Variants in NANOG observed in about 807,000 individuals in gnomAD.
The protein encoded by NANOG is Nanog homeobox, also known as homeobox protein NANOG.
Under a neutral mutation model 17.7 loss-of-function variants are expected in NANOG, and 2 were observed. The observed-to-expected ratio is 0.11, with a 90% CI of 0.05 to 0.36. The LOEUF (loss-of-function observed/expected upper bound fraction) is 0.36, where lower values mean the gene tolerates loss of function less well. NANOG is among the 10% of genes least tolerant of loss of function. The pLI, the probability that NANOG is intolerant of heterozygous loss-of-function variation, is 1.00. For missense variants in NANOG, 174 were observed against 362.1 expected (o/e 0.48, Z 4.22); for synonymous variants, 81 against 124.7 (o/e 0.65, Z 2.33).
chr12:7,790,339 C>T (rs1274744480), intron 1 of NANOG, among the ~76,000 whole-genome samples: 2 of 152,178 alleles, frequency 1.3e-5, no homozygotes, highest in Admixed American at 6.6e-5. Context: ...GGGAGCACCT[C>T]CCATGTCTAA....
At chr12:7,794,328 C>G (rs1405842988) in intron 2 of NANOG, 129 bp from the exon 3 acceptor site, 1 of 850,276 alleles carries the variant, frequency 1.2e-6, no homozygotes, top group Admixed American at 2.5e-5. Context: ...CCGCCTTGGC[C>G]TTCCAAAGTG....
chr12:7,793,431 T>C (rs919872509), intron 2 of NANOG, among the ~76,000 whole-genome samples: 1 of 152,244 alleles, frequency 6.6e-6, no homozygotes. Flanking sequence ...AACCACTTTC[T>C]TGCACAGACC....
intron 1 of NANOG, 78 bp downstream of exon 1, chr12:7,789,843 T>A (rs1862812739): frequency 1.4e-6 from 2 of 1,424,790 alleles, no homozygotes. Flanking sequence ...AGGGATCATT[T>A]CCCTCTTGAG....
Position 7,793,071 on chromosome 12 carries a change from C to A in NANOG, c.273C>A (p.Val91=). Residue 91 remains valine (V), a synonymous_variant, in exon 2 of 4, where the codon GTC becomes GTA. Coordinates refer to ENST00000229307, the MANE Select transcript of NANOG (RefSeq NM_024865.4). Reference sequence around the variant, plus strand: ...GTGTCGCAAAAAAGGAAGACAAGGTCCCGGTCAAGAAACAGAAGACCAGAA... The same window carrying A: ...GTGTCGCAAAAAAGGAAGACAAGGTACCGGTCAAGAAACAGAAGACCAGAA... ...EKSVAKKEDK[V]PVKKQKTRTV... The A allele has an allele frequency of 2.5e-6, 4 of 1,610,056 alleles. No individual in the cohort carries two copies. The South Asian group carries it at 3.3e-5, about 13-fold the overall frequency.
rs1862918533 is a variant in NANOG, at chr12:7,795,560, A to G, written c.*465A>G. ...ATGGTCTCGATCTCCTGACCTTGTG[A>G]TCCACCCGCCTCGGCCTCCCTAACA... is the stretch of plus-strand genomic sequence containing the variant. On this transcript the variant is annotated 3_prime_UTR_variant, in exon 4 of 4. Coordinates refer to ENST00000229307, the MANE Select transcript of NANOG (RefSeq NM_024865.4). 1 of 74,680 alleles carries G rather than the reference A, an allele frequency of 1.3e-5. No individual in the cohort carries two copies. Among genetic ancestry groups the G allele is most frequent in the Non-Finnish European group, 3.9e-5 (1 of 25,404 alleles). 4.6% of individuals were successfully genotyped at this position (74,680 alleles called of 1,614,324 possible).
intron 2 of NANOG, among the ~76,000 whole-genome samples, chr12:7,793,839 T>C (rs111430686): frequency 0.013 from 1,965 of 152,222 alleles, 19 homozygotes; most frequent in Non-Finnish European, 0.016. Context: ...CCTCCTGGGT[T>C]CAAGGGATTC....
chr12:7,795,624 G>GA lies in NANOG; in HGVS notation c.*533dup, dbSNP rs1217954436. The stretch of plus-strand genomic sequence containing the variant: ...GGCGTGAGCCACCGCGCCCTGCCTA[G>GA]AAAAGACATTTTAATAACCTTGGCT... On this transcript the variant is annotated 3_prime_UTR_variant, in exon 4 of 4. Transcript: ENST00000229307. 8.7e-6 allele frequency: 1 copy of GA among 114,836 alleles called. No homozygotes were observed. Among genetic ancestry groups the GA allele is most frequent in the East Asian group, 2.1e-4 (1 of 4,816 alleles). The allele number at this position is 114,836 out of a possible 1,614,324, so 7.1% of individuals were successfully genotyped here.
At chr12:7,792,585 A>G (rs1237838502) in intron 1 of NANOG, among the ~76,000 whole-genome samples, 1 of 152,036 alleles carries the variant, frequency 6.6e-6, no homozygotes, top group Non-Finnish European at 1.5e-5. Context: ...AATCGCTTGA[A>G]CCCAGGAGAT....
At chr12:7,794,399 G>C (rs1347671821) in intron 2 of NANOG, 58 bp from the exon 3 acceptor site, 27 of 1,449,452 alleles carry the variant, frequency 1.9e-5, no homozygotes, top group Non-Finnish European at 2.4e-5. Flanking sequence ...AATATACTTT[G>C]ATTCAAAGTA....
Position 7,795,278 on chromosome 12 carries a change from C to A in NANOG, c.*183C>A. 7.1e-6 allele frequency: 3 copies of A among 424,986 alleles called. No individual in the cohort carries two copies. Among genetic ancestry groups the A allele is most frequent in the Non-Finnish European group, 1.2e-5 (3 of 246,490 alleles). The allele number at this position is 424,986 out of a possible 1,614,324, so 26.3% of individuals were successfully genotyped here. A position where few individuals can be genotyped will look rare whatever the true frequency, so the allele number is the denominator to read the frequency against. On this transcript the variant is annotated 3_prime_UTR_variant, in exon 4 of 4. Coordinates refer to ENST00000229307, the MANE Select transcript of NANOG (RefSeq NM_024865.4). Reference sequence around the variant, plus strand: ...GGTTGGAGCCTAATCAGCGAGGTTTCTTTTTTTTTTTTTTTCCTATTGGAT... The same window carrying A: ...GGTTGGAGCCTAATCAGCGAGGTTTATTTTTTTTTTTTTTTCCTATTGGAT...
rs140243232 is a variant in NANOG, at chr12:7,789,729, C to A, written c.115C>A (p.Gln39Lys). ...CGPEENYPSL[Q>K]MSSAEMPHTE... ...GCCTGAAGAAAACTATCCATCCTTG[C>A]AAATGTCTTCTGCTGAGATGCCTCA... Residue 39 changes from glutamine to lysine, a missense_variant, in exon 1 of 4, where the codon CAA (glutamine) becomes AAA (lysine). Gln to Lys is a moderately conservative substitution (Grantham distance 53). Around this residue, in one of 2 missense-constraint regions of NANOG, gnomAD observed 158 missense variants for 244.2 expected, o/e 0.65. Transcript: ENST00000229307. 235 of 1,614,096 alleles carry A rather than the reference C, an allele frequency of 1.5e-4. No individual in the cohort carries two copies. The African/African-American group carries it at 2.6e-3, about 18-fold the overall frequency.
Position 7,798,379 on chromosome 12 carries a change from AAAAAT to A in NANOG, c.*3287_*3291del, listed in dbSNP as rs1862957414. The A allele has an allele frequency of 6.6e-6, 1 of 152,264 alleles. No homozygotes were observed. Among genetic ancestry groups the A allele is most frequent in the East Asian group, 1.9e-4 (1 of 5,172 alleles). The allele number at this position is 152,264 out of a possible 1,614,324, so 9.4% of individuals were successfully genotyped here. A position where few individuals can be genotyped will look rare whatever the true frequency, so the allele number is the denominator to read the frequency against. The stretch of plus-strand genomic sequence containing the variant: ...GAGCGTCACTGTCTCAAAAATAAAC[AAAAAT>A]AATAGGAGATTAGGCAAAAAGGATA... On this transcript the variant is annotated 3_prime_UTR_variant, in exon 4 of 4. Transcript: ENST00000229307.
At chr12:7,790,249 G>T (rs1242422207) in intron 1 of NANOG, among the ~76,000 whole-genome samples, 1 of 152,144 alleles carries the variant, frequency 6.6e-6, no homozygotes, top group Admixed American at 6.6e-5. Flanking sequence ...ACATAATTTG[G>T]GTAATTCTTT....
At chr12:7,791,806 A>G (rs1208018181) in intron 1 of NANOG, among the ~76,000 whole-genome samples, 4 of 152,218 alleles carry the variant, frequency 2.6e-5, no homozygotes. Flanking sequence ...GGTCAGAGCT[A>G]GTAAAGGGAA....
At position 7,792,758 on chromosome 12, in the gene NANOG, A is replaced by G. The variant is rs113795924; in HGVS notation, c.152-192A>G. On this transcript the variant is annotated intron_variant, in intron 1 of 3. Coordinates refer to ENST00000229307, the MANE Select transcript of NANOG (RefSeq NM_024865.4). ...AGTCTATTATGTACAAAATGGAGATACTGATAAGACTTCTTGGAGTAATAC... is the reference window on the plus strand; with the variant it reads ...AGTCTATTATGTACAAAATGGAGATGCTGATAAGACTTCTTGGAGTAATAC... 2.5e-3 allele frequency among the ~76,000 whole-genome samples: 388 copies of G among 152,322 alleles called. 2 individuals carry two copies. The highest frequency in any genetic ancestry group is 8.8e-3 in the African/African-American group (366 of 41,568).
In NANOG at chr12:7,789,439, G is replaced by T; in HGVS notation, c.-176G>T. On this transcript the variant is annotated 5_prime_UTR_variant, in exon 1 of 4. Transcript: ENST00000229307. ...ACTCCAGGATTTTAACGTTCTGCTG[G>T]ACTGAGCTGGTTGCCTCATGTTATT... 1 of 611,140 alleles carries T rather than the reference G, an allele frequency of 1.6e-6. No individual in the cohort carries two copies. Among genetic ancestry groups the T allele is most frequent in the Non-Finnish European group, 2.9e-6 (1 of 346,088 alleles). 37.9% of individuals were successfully genotyped at this position (611,140 alleles called of 1,614,324 possible).
Position 7,792,058 on chromosome 12 carries a change from C to A in NANOG, c.152-892C>A, listed in dbSNP as rs1452483521. 2.0e-5 allele frequency among the ~76,000 whole-genome samples: 3 copies of A among 152,160 alleles called. No homozygotes were observed. The East Asian group carries it at 5.8e-4, about 29-fold the overall frequency. The stretch of plus-strand genomic sequence containing the variant: ...TACAGGCATGCGCCACCACTCCTGG[C>A]TAATTTTTGTAATTTTTAGTAGAGA... On this transcript the variant is annotated intron_variant, in intron 1 of 3. Coordinates refer to ENST00000229307, the MANE Select transcript of NANOG (RefSeq NM_024865.4).
intron 1 of NANOG, among the ~76,000 whole-genome samples, chr12:7,790,224 T>C (rs1232703538): frequency 1.3e-5 from 2 of 152,164 alleles, no homozygotes; most frequent in African/African-American, 4.8e-5. Context: ...CAAATCACGA[T>C]GAGATTTCTG....
At position 7,795,998 on chromosome 12, in the gene NANOG, T is replaced by G. The variant is rs1418695626; in HGVS notation, c.*903T>G. On this transcript the variant is annotated 3_prime_UTR_variant, in exon 4 of 4. Coordinates refer to ENST00000229307, the MANE Select transcript of NANOG (RefSeq NM_024865.4). Reference sequence around the variant, plus strand: ...AAATGAATGAAACAACTATTTTTCCTTTAGTTGATTTTACCCTGATTTCAC... The same window carrying G: ...AAATGAATGAAACAACTATTTTTCCGTTAGTTGATTTTACCCTGATTTCAC... 2.0e-5 allele frequency: 3 copies of G among 151,854 alleles called. No individual in the cohort carries two copies. The highest frequency in any genetic ancestry group is 7.3e-5 in the African/African-American group (3 of 41,342). The allele number at this position is 151,854 out of a possible 1,614,324, so 9.4% of individuals were successfully genotyped here.
Sources: allele counts gnomAD v4.1 joint callset (sites outside exome capture counted in the v4.1 genomes callset), GRCh38; gene constraint gnomAD v4.1.1; regional missense constraint gnomAD v4.1.1; transcripts MANE v1.5; gene names NCBI Gene and HGNC (gene_info 2026-07-23, HGNC 2026-07-21).